The following PRR16 variants were observed in gnomAD, a reference collection of about 807,000 sequenced individuals.
The protein encoded by PRR16 is protein Largen.
A neutral mutation model predicts 18.2 loss-of-function variants in PRR16; 6 were observed. The ratio of observed to expected loss-of-function variants is 0.33; its 90% CI spans 0.18 to 0.65. The LOEUF (loss-of-function observed/expected upper bound fraction) is 0.65. Ranked by LOEUF, PRR16 falls within the 30% of genes least tolerant of loss-of-function variation. The probability of loss-of-function intolerance (pLI) is 0.74; values close to 1 mark genes in which losing one functional copy is unlikely to be tolerated. For synonymous variants in PRR16, 151 were observed against 147.8 expected (o/e 1.02, Z -0.16); for missense variants, 412 against 376.6 (o/e 1.09, Z -0.78).
At chr5:120,670,714 A>G (rs1449189637) in intron 1 of PRR16, among the ~76,000 whole-genome samples, 1 of 152,134 alleles carries the variant, frequency 6.6e-6, no homozygotes, top group Non-Finnish European at 1.5e-5. Context: ...CCCCATGTGC[A>G]TTCATGCTAA....
chr5:120,574,198 T>C (rs1368791195), intron 1 of PRR16, among the ~76,000 whole-genome samples: 1 of 152,076 alleles, frequency 6.6e-6, no homozygotes, highest in Non-Finnish European at 1.5e-5. Flanking sequence ...ATTTGTAATA[T>C]CTATACTTGA....
chr5:120,538,936 G>A (rs1751819588), intron 1 of PRR16, among the ~76,000 whole-genome samples: 1 of 152,072 alleles, frequency 6.6e-6, no homozygotes, highest in South Asian at 2.1e-4. Flanking sequence ...GAGGAAGACT[G>A]TGAAAAAATG....
intron 1 of PRR16, among the ~76,000 whole-genome samples, chr5:120,540,748 CA>C (rs991816407): frequency 2.0e-5 from 3 of 152,110 alleles, no homozygotes; most frequent in African/African-American, 7.2e-5. Context: ...GCAAAAATTC[CA>C]AAAATTGCAA....
At chr5:120,638,854 T>G (rs1241351701) in intron 1 of PRR16, among the ~76,000 whole-genome samples, 1 of 152,088 alleles carries the variant, frequency 6.6e-6, no homozygotes, top group African/African-American at 2.4e-5. Flanking sequence ...ACTCTTCAAT[T>G]TATAATAATG....
chr5:120,703,159 G>A, the PRR16 span, among the ~76,000 whole-genome samples: 14 of 152,242 alleles, frequency 9.2e-5, no homozygotes, highest in African/African-American at 3.4e-4. Flanking sequence ...GGCAGGAGTG[G>A]GGGTCGCAAG....
At chr5:120,523,118 T>G (rs1377662554) in intron 1 of PRR16, among the ~76,000 whole-genome samples, 3 of 143,278 alleles carry the variant, frequency 2.1e-5, no homozygotes, top group South Asian at 2.1e-4. Flanking sequence ...CTGGAATGAT[T>G]TGCTTTTAAA....
intron 1 of PRR16, among the ~76,000 whole-genome samples, chr5:120,494,150 G>A (rs1750161426): frequency 2.6e-5 from 4 of 152,204 alleles, no homozygotes; most frequent in South Asian, 2.1e-4. Flanking sequence ...CAGTCCTACC[G>A]TCAATGTATA....
chr5:120,709,574 G>C, the PRR16 span, among the ~76,000 whole-genome samples: 9 of 151,820 alleles, frequency 5.9e-5, no homozygotes, highest in African/African-American at 2.2e-4. Flanking sequence ...CCAAACACTA[G>C]ATCTTATTCT....
At chr5:120,669,044 A>G (rs1009636651) in intron 1 of PRR16, among the ~76,000 whole-genome samples, 1 of 152,180 alleles carries the variant, frequency 6.6e-6, no homozygotes, top group Non-Finnish European at 1.5e-5. Flanking sequence ...GATTTATCCA[A>G]GTGTTTTTTT....
intron 1 of PRR16, among the ~76,000 whole-genome samples, chr5:120,684,954 T>A (rs1393582612): frequency 6.6e-6 from 1 of 152,210 alleles, no homozygotes; most frequent in African/African-American, 2.4e-5. Flanking sequence ...TAGTAGCCCT[T>A]GACTGGTGTG....
chr5:120,670,821 C>A (rs186230399), intron 1 of PRR16, among the ~76,000 whole-genome samples: 1 of 152,072 alleles, frequency 6.6e-6, no homozygotes, highest in Non-Finnish European at 1.5e-5. Context: ...TTTTCACTAA[C>A]GCAAAAATAA....
At chr5:120,672,587 A>G (rs1300408765) in intron 1 of PRR16, among the ~76,000 whole-genome samples, 1 of 151,890 alleles carries the variant, frequency 6.6e-6, no homozygotes, top group Non-Finnish European at 1.5e-5. Flanking sequence ...ATATTTAAAG[A>G]AAGTCTTCTG....
At chr5:120,611,701 A>G (rs920987165) in intron 1 of PRR16, among the ~76,000 whole-genome samples, 1 of 152,220 alleles carries the variant, frequency 6.6e-6, no homozygotes, top group African/African-American at 2.4e-5. Context: ...CTGGATGCCC[A>G]GGCAAAAGTT....
the PRR16 span, among the ~76,000 whole-genome samples, chr5:120,714,035 A>C: frequency 6.8e-4 from 104 of 152,234 alleles, no homozygotes; most frequent in African/African-American, 2.3e-3. Context: ...TATAATCAGA[A>C]AACAATTATA....
chr5:120,733,222 C>T, the PRR16 span, among the ~76,000 whole-genome samples: 236 of 152,098 alleles, frequency 1.6e-3, no homozygotes, highest in Middle Eastern at 0.021. Flanking sequence ...TATAGCTCAC[C>T]GCAGCTTGAA....
Position 120,686,570 on chromosome 5 carries a change from C to A in PRR16, c.776C>A (p.Pro259His). ...CTCCCTCCTACACCCCATCTCCCTC[C>A]TTTCCCACTAGAAAATGGGGGAATG... is the stretch of plus-strand genomic sequence containing the variant. ...PPLPPTPHLP[P>H]FPLENGGMGI... Residue 259 changes from proline to histidine, a missense_variant, in exon 2 of 2, where the codon CCT becomes CAT. Transcript: ENST00000407149. The A allele has an allele frequency of 6.2e-7, 1 of 1,613,880 alleles. No individual in the cohort carries two copies. Among genetic ancestry groups the A allele is most frequent in the Non-Finnish European group, 8.5e-7 (1 of 1,179,926 alleles).
chr5:120,738,637 G>C, the PRR16 span, among the ~76,000 whole-genome samples: 1 of 152,044 alleles, frequency 6.6e-6, no homozygotes, highest in East Asian at 1.9e-4. Flanking sequence ...AAAAGTTCAC[G>C]GGTTCACAGC....
chr5:120,524,536 G>A (rs1281228867), intron 1 of PRR16, among the ~76,000 whole-genome samples: 2 of 152,090 alleles, frequency 1.3e-5, no homozygotes, highest in Non-Finnish European at 2.9e-5. Context: ...GAAGGGTAGT[G>A]TGGGGAACAG....
chr5:120,769,929 G>A, the PRR16 span, among the ~76,000 whole-genome samples: 2,049 of 139,818 alleles, frequency 0.015, 122 homozygotes, highest in East Asian at 0.23. Flanking sequence ...ATATTTCGTT[G>A]TACTTTTGAC....
Sources: gnomAD v4.1 joint callset for allele counts (sites outside exome capture counted in the v4.1 genomes callset) on GRCh38, gnomAD v4.1.1 for gene constraint, MANE v1.5 for transcripts, NCBI Gene and HGNC (gene_info 2026-07-23, HGNC 2026-07-21) for gene names.